TNS2: variants seen among roughly 807,000 people sequenced by gnomAD.
TNS2 encodes the protein tensin-2.
A neutral mutation model predicts 155.7 loss-of-function variants in TNS2; 77 were observed. That is an observed-to-expected ratio of 0.49 (90% confidence interval 0.41 to 0.60). The LOEUF (loss-of-function observed/expected upper bound fraction) is 0.60, where lower values mean the gene tolerates loss of function less well. Ranked by LOEUF, TNS2 falls within the 20% of genes least tolerant of loss-of-function variation. The probability of loss-of-function intolerance (pLI) is 0.00; values close to 1 mark genes in which losing one functional copy is unlikely to be tolerated. For missense variants in TNS2, 1,703 were observed against 1,868.8 expected (o/e 0.91, Z 1.64); for synonymous variants, 726 against 763.9 (o/e 0.95, Z 0.82).
At chr12:53,057,446 C>A in intron 11 of TNS2, 121 bp from the exon 12 acceptor site, 2 of 811,934 alleles carry the variant, frequency 2.5e-6, no homozygotes, top group East Asian at 2.4e-5. Context: ...TCTGGTGACC[C>A]GGAAGATGGG....
At position 53,052,459 on chromosome 12, in the gene TNS2, C is replaced by T. The variant is rs775690751; in HGVS notation, c.189C>T (p.Cys63=). The T allele has an allele frequency of 6.3e-5, 102 of 1,613,862 alleles. No homozygotes were observed. The highest frequency in any genetic ancestry group is 8.3e-5 in the Non-Finnish European group (98 of 1,179,902). The change falls in exon 3 of 29, where the codon TGC becomes TGT. Residue 63 remains cysteine, a synonymous_variant. Transcript: ENST00000314250. ...TCCTCCCCTTACCTTCCCTAGTCTGCAAGGTGGCGACGCACAGAAAATGTG... is the reference window on the plus strand; with the variant it reads ...TCCTCCCCTTACCTTCCCTAGTCTGTAAGGTGGCGACGCACAGAAAATGTG... ...IDGTGVSCRV[C]KVATHRKCEA... is the part of the protein sequence containing the mutation.
Position 53,064,051 on chromosome 12 carries a change from C to A in TNS2, c.*169C>A. 1.4e-6 allele frequency: 1 copy of A among 728,972 alleles called. No homozygotes were observed. Among genetic ancestry groups the A allele is most frequent in the Non-Finnish European group, 2.2e-6 (1 of 455,462 alleles). 45.2% of individuals were successfully genotyped at this position (728,972 alleles called of 1,614,324 possible). A position where few individuals can be genotyped will look rare whatever the true frequency, so the allele number is the denominator to read the frequency against. ...ACTGCTCTCCTTCCCCGCCCCCAGC[C>A]TGCTAAGTTAAGTGGACAGGCCCAC... On this transcript the variant is annotated 3_prime_UTR_variant, in exon 29 of 29. Coordinates refer to ENST00000314250, the MANE Select transcript of TNS2 (RefSeq NM_170754.4).
Position 53,061,042 on chromosome 12 carries a change from C to T in TNS2, c.3136C>T (p.Pro1046Ser). The change falls in exon 20 of 29, where the codon CCA becomes TCA. Residue 1046 changes from proline (P) to serine (S), a missense_variant. Pro to Ser is a moderately conservative substitution (Grantham distance 74, BLOSUM62 -1). Transcript: ENST00000314250. ...CCAGATGCCCTGGCTTGTGGCCAGC[C>T]CAGAGCCGCCTCAGAGCTCACCTAC... Reference protein sequence around the residue: ...PSQMPWLVASPEPPQSSPTPA... With the variant: ...PSQMPWLVASSEPPQSSPTPA... 6.2e-7 allele frequency: 1 copy of T among 1,613,812 alleles called. No individual in the cohort carries two copies. Among genetic ancestry groups the T allele is most frequent in the Non-Finnish European group, 8.5e-7 (1 of 1,179,898 alleles).
At position 53,061,227 on chromosome 12, in the gene TNS2, C is replaced by T. The variant is rs143806495; in HGVS notation, c.3321C>T (p.Phe1107=). The change falls in exon 20 of 29, where the codon TTC becomes TTT. Residue 1107 remains phenylalanine, a synonymous_variant. Transcript: ENST00000314250. ...GAGGCATCAGTCACCATGTCACCTT[C>T]GCACCTCTGCTCTCAGATAATGTCC... is the stretch of plus-strand genomic sequence containing the variant. ...PARGISHHVT[F]APLLSDNVPQ... is the part of the protein sequence containing the mutation. The T allele has an allele frequency of 6.0e-5, 94 of 1,569,976 alleles. No homozygotes were observed. The African/African-American group carries it at 6.2e-4, about 10-fold the overall frequency.
intron 25 of TNS2, 160 bp downstream of exon 25, chr12:53,062,857 C>T: frequency 1.0e-6 from 1 of 1,001,322 alleles, no homozygotes. Context: ...ATTGGGTCCT[C>T]AGCCTAGGTT....
upstream of TNS2, chr12:53,049,874 C>T (rs554124283): frequency 7.9e-5 from 36 of 457,964 alleles, no homozygotes; most frequent in East Asian, 1.8e-3. Context: ...AGGTGTGGGA[C>T]AACTCCAGAG....
chr12:53,053,884 A>G, intron 5 of TNS2, 72 bp downstream of exon 5: 1 of 1,614,006 alleles, frequency 6.2e-7, no homozygotes, highest in East Asian at 2.2e-5. Context: ...CCTGAAGACA[A>G]AAAGGGCATG....
At position 53,056,828 on chromosome 12, in the gene TNS2, A is replaced by G. The variant is rs967983833; in HGVS notation, c.762-185A>G. On this transcript the variant is annotated intron_variant, in intron 10 of 28. Transcript: ENST00000314250. ...ATGAAAAAACTAAAGTTCAGGGAAC[A>G]ATTGCCTGAGGCCCAACAACTAGTA... is the stretch of plus-strand genomic sequence containing the variant. The G allele has an allele frequency of 5.5e-6, 3 of 547,408 alleles. No individual in the cohort carries two copies. In the African/African-American group the frequency reaches 5.7e-5, roughly 10 times the overall value. The allele number at this position is 547,408 out of a possible 1,614,324, so 33.9% of individuals were successfully genotyped here.
upstream of TNS2, chr12:53,050,043 C>G: frequency 2.0e-6 from 3 of 1,476,114 alleles, no homozygotes; most frequent in Non-Finnish European, 2.7e-6. This position sits in a 1 kb window ranked among gnomAD's most constrained non-coding sequence, Gnocchi z 4.7. Flanking sequence ...CTTCCAGGGC[C>G]GGGCTTCTCC....
At chr12:53,054,168 C>G (rs1194159033) in intron 6 of TNS2, 102 bp from the exon 7 acceptor site, 5 of 1,576,086 alleles carry the variant, frequency 3.2e-6, no homozygotes, top group Non-Finnish European at 4.3e-6. Context: ...ACCCTCAGGA[C>G]CCAGCAGGCT....
chr12:53,058,159 G>A (rs1944227865), intron 14 of TNS2, 57 bp downstream of exon 14: 1 of 1,612,446 alleles, frequency 6.2e-7, no homozygotes, highest in African/African-American at 1.3e-5. Flanking sequence ...GGTTGGTGGT[G>A]TAACGGCACA....
chr12:53,059,304 C>G lies in TNS2; in HGVS notation c.1663C>G (p.Arg555Gly). 6.8e-7 allele frequency: 1 copy of G among 1,462,664 alleles called. No individual in the cohort carries two copies. Among genetic ancestry groups the G allele is most frequent in the Non-Finnish European group, 9.0e-7 (1 of 1,109,336 alleles). The allele number at this position is 1,462,664 out of a possible 1,614,324, so 90.6% of individuals were successfully genotyped here. A position where few individuals can be genotyped will look rare whatever the true frequency, so the allele number is the denominator to read the frequency against. Residue 555 changes from arginine (R) to glycine (G), a missense_variant, in exon 18 of 29, where the codon CGG becomes GGG. Physicochemically the swap from Arg to Gly is moderately radical, Grantham distance 125. Coordinates refer to ENST00000314250, the MANE Select transcript of TNS2 (RefSeq NM_170754.4). The surrounding 1 kb of genome is among the most constrained non-coding windows in gnomAD (Gnocchi z 4.7). ...AGGCTGCGGAGTGGCCAGTGGGGGC[C>G]GGGGAGCTGGGCGCGAGACGGCCAT... ...LGGCGVASGGRGAGRETAILD... is the reference protein window; with the variant it reads ...LGGCGVASGGGGAGRETAILD...
upstream of TNS2, among the ~76,000 whole-genome samples, chr12:53,047,909 C>T (rs1943784663): frequency 6.6e-6 from 1 of 152,188 alleles, no homozygotes; most frequent in Non-Finnish European, 1.5e-5. Flanking sequence ...CTTACCCCTC[C>T]TCCGCGGCGG....
Position 53,051,841 on chromosome 12 carries a change from C to T in TNS2, c.76-14C>T. On this transcript the variant is annotated splice_polypyrimidine_tract_variant and intron_variant, in intron 1 of 28. Transcript: ENST00000314250. ...ACTGGGAACTCACACCTCTGTTTGTCCCTCCACCTTCAGCCTAGGAAAGCT... is the reference window on the plus strand; with the variant it reads ...ACTGGGAACTCACACCTCTGTTTGTTCCTCCACCTTCAGCCTAGGAAAGCT... 6.2e-7 allele frequency: 1 copy of T among 1,606,090 alleles called. No homozygotes were observed. Among genetic ancestry groups the T allele is most frequent in the Non-Finnish European group, 8.5e-7 (1 of 1,174,958 alleles).
At chr12:53,053,603 C>T in intron 4 of TNS2, 154 bp downstream of exon 4, 1 of 1,352,950 alleles carries the variant, frequency 7.4e-7, no homozygotes, top group Non-Finnish European at 1.0e-6. Flanking sequence ...CTGTCTGAGT[C>T]CTCTGCTGAT....
At chr12:53,061,639 A>G in intron 21 of TNS2, 170 bp downstream of exon 21, 1 of 1,354,568 alleles carries the variant, frequency 7.4e-7, no homozygotes, top group Non-Finnish European at 1.0e-6. Flanking sequence ...AGGCGGTGAG[A>G]TCCAACATGG....
Position 53,059,705 on chromosome 12 carries a change from C to A in TNS2, c.2064C>A (p.Tyr688Ter), listed in dbSNP as rs769985877. 1 of 1,613,180 alleles carries A rather than the reference C, an allele frequency of 6.2e-7. No individual in the cohort carries two copies. The highest frequency in any genetic ancestry group is 8.5e-7 in the Non-Finnish European group (1 of 1,179,902). The change falls in exon 18 of 29, where the codon TAC becomes TAA. Residue 688 changes from tyrosine (Y) to a stop codon, truncating the protein, a stop_gained. Coordinates refer to ENST00000314250, the MANE Select transcript of TNS2 (RefSeq NM_170754.4). LOFTEE classifies it high-confidence loss of function. This position sits in a 1 kb window ranked among gnomAD's most constrained non-coding sequence, Gnocchi z 4.7. ...ILEDPGLPAL[Y>*]PCPACEEKLA... ...AGGACCCTGGGCTGCCTGCCCTATA[C>A]CCATGCCCAGCCTGCGAGGAGAAGC... is the stretch of plus-strand genomic sequence containing the variant.
At position 53,059,157 on chromosome 12, in the gene TNS2, A is replaced by G. The variant is rs1266262363; in HGVS notation, c.1516A>G (p.Met506Val). ...APSPEPPPPP[M>V]LSVSSDSGHS... The stretch of plus-strand genomic sequence containing the variant: ...CTCTCCAGAGCCTCCACCACCCCCC[A>G]TGCTCTCTGTCAGCAGCGACTCAGG... Residue 506 changes from methionine (M) to valine (V), a missense_variant, in exon 18 of 29, where the codon ATG (methionine) becomes GTG (valine). By Grantham distance (21) the Met-to-Val change is conservative (BLOSUM62 1). Coordinates refer to ENST00000314250, the MANE Select transcript of TNS2 (RefSeq NM_170754.4). The surrounding 1 kb of genome is among the most constrained non-coding windows in gnomAD (Gnocchi z 4.7). 1.3e-6 allele frequency: 2 copies of G among 1,595,884 alleles called. No homozygotes were observed. Among genetic ancestry groups the G allele is most frequent in the South Asian group, 1.1e-5 (1 of 89,962 alleles).
Position 53,053,813 on chromosome 12 carries a change from G to A in TNS2, c.300+1G>A, listed in dbSNP as rs147254183. Reference sequence around the variant, plus strand: ...CCCAGTCAGGCGCATAGAGCACCTGGTAAGGTGATGCTGGAGCAGGAGGGG... The same window carrying A: ...CCCAGTCAGGCGCATAGAGCACCTGATAAGGTGATGCTGGAGCAGGAGGGG... On this transcript the variant is annotated splice_donor_variant, in intron 5 of 28. Coordinates refer to ENST00000314250, the MANE Select transcript of TNS2 (RefSeq NM_170754.4). LOFTEE classifies it high-confidence loss of function. 5 of 1,613,206 alleles carry A rather than the reference G, an allele frequency of 3.1e-6. No individual in the cohort carries two copies. Among genetic ancestry groups the A allele is most frequent in the Non-Finnish European group, 4.2e-6 (5 of 1,179,612 alleles).
Sources: allele counts gnomAD v4.1 joint callset (sites outside exome capture counted in the v4.1 genomes callset), GRCh38; gene constraint gnomAD v4.1.1; non-coding constraint Gnocchi (gnomAD v3.1); transcripts MANE v1.5; gene names NCBI Gene and HGNC (gene_info 2026-07-23, HGNC 2026-07-21).